Variants in PPP1R9A observed in about 807,000 individuals in gnomAD.
PPP1R9A encodes protein phosphatase 1 regulatory subunit 9A.
In PPP1R9A, 59 loss-of-function variants were observed where a neutral mutation model predicts 141.9. The observed-to-expected ratio is 0.42, with a 90% CI of 0.34 to 0.52. The LOEUF is 0.52. Ranked by LOEUF, PPP1R9A falls within the 20% of genes least tolerant of loss-of-function variation. The pLI, the probability that PPP1R9A is intolerant of heterozygous loss-of-function variation, is 0.10. For synonymous variants in PPP1R9A, 500 were observed against 569.7 expected (o/e 0.88, Z 1.74); for missense variants, 1,444 against 1,611.9 (o/e 0.90, Z 1.78).
chr7:94,969,537 C>T (rs762274655), intron 2 of PPP1R9A, among the ~76,000 whole-genome samples: 2 of 152,042 alleles, frequency 1.3e-5, no homozygotes, highest in African/African-American at 2.4e-5. Context: ...CAGTGGGGCA[C>T]CTTCCAGATG....
chr7:95,243,966 A>G (rs920211298), intron 8 of PPP1R9A, among the ~76,000 whole-genome samples: 1 of 152,172 alleles, frequency 6.6e-6, no homozygotes, highest in Non-Finnish European at 1.5e-5. Context: ...ATATAAAACA[A>G]AAAGGGTTCA....
intron 2 of PPP1R9A, among the ~76,000 whole-genome samples, chr7:94,989,959 T>C (rs377319287): frequency 3.9e-5 from 6 of 152,180 alleles, no homozygotes; most frequent in African/African-American, 1.2e-4. Context: ...GTTGATCGAG[T>C]ATAAAATGTG....
chr7:95,118,479 A>G (rs969098046), intron 3 of PPP1R9A, among the ~76,000 whole-genome samples: 2 of 152,228 alleles, frequency 1.3e-5, no homozygotes, highest in African/African-American at 2.4e-5. Flanking sequence ...TGCATCAGGC[A>G]GCTCATCCAG....
At chr7:94,994,800 A>G (rs1391243434) in intron 2 of PPP1R9A, among the ~76,000 whole-genome samples, 1 of 151,978 alleles carries the variant, frequency 6.6e-6, no homozygotes, top group Non-Finnish European at 1.5e-5. Context: ...AGGCTGAGGC[A>G]GGAGAATCAC....
intron 6 of PPP1R9A, among the ~76,000 whole-genome samples, chr7:95,199,777 A>G (rs1203207977): frequency 2.0e-5 from 3 of 152,222 alleles, no homozygotes. Flanking sequence ...TCAAACTAAA[A>G]AAGGGATTTC....
chr7:95,055,743 A>AC (rs1384823239), intron 2 of PPP1R9A, among the ~76,000 whole-genome samples: 2 of 151,836 alleles, frequency 1.3e-5, no homozygotes, highest in African/African-American at 4.8e-5. Context: ...CTCTCATTCT[A>AC]CCCCAGAATG....
intron 7 of PPP1R9A, among the ~76,000 whole-genome samples, chr7:95,207,018 A>G (rs1056225406): frequency 6.6e-6 from 1 of 152,110 alleles, no homozygotes; most frequent in Non-Finnish European, 1.5e-5. Context: ...TTTTTCTAAC[A>G]AATTATGATC....
intron 2 of PPP1R9A, among the ~76,000 whole-genome samples, chr7:94,970,749 C>G (rs531115969): frequency 6.6e-6 from 1 of 151,498 alleles, no homozygotes; most frequent in African/African-American, 2.4e-5. Flanking sequence ...GATTCTTCTG[C>G]CTCAGTCTCC....
At chr7:95,257,516 T>G (rs1405424861) in intron 12 of PPP1R9A, among the ~76,000 whole-genome samples, 1 of 109,068 alleles carries the variant, frequency 9.2e-6, no homozygotes, top group Non-Finnish European at 1.9e-5. Context: ...TATGATTTCT[T>G]TTTTTTTTTA....
At chr7:95,112,233 C>T (rs1011013949) in intron 3 of PPP1R9A, among the ~76,000 whole-genome samples, 3 of 151,886 alleles carry the variant, frequency 2.0e-5, no homozygotes, top group African/African-American at 7.3e-5. Flanking sequence ...AGAAAGAAAC[C>T]CATTAATAAG....
intron 8 of PPP1R9A, among the ~76,000 whole-genome samples, chr7:95,233,196 A>G (rs569692601): frequency 6.6e-6 from 1 of 152,368 alleles, no homozygotes; most frequent in African/African-American, 2.4e-5. Context: ...GTCATAAAAA[A>G]GGATGACTTA....
At chr7:95,048,118 A>G (rs1199772577) in intron 2 of PPP1R9A, among the ~76,000 whole-genome samples, 1 of 152,228 alleles carries the variant, frequency 6.6e-6, no homozygotes, top group East Asian at 1.9e-4. Context: ...ATGGTAGTAC[A>G]TAAAGTCCAG....
chr7:95,187,545 TG>T (rs1292818313), intron 5 of PPP1R9A, among the ~76,000 whole-genome samples: 6 of 151,996 alleles, frequency 3.9e-5, no homozygotes, highest in Non-Finnish European at 5.9e-5. Flanking sequence ...TCTTTTCTTC[TG>T]CTGGGTTTGG....
At chr7:94,992,850 A>T (rs1801689544) in intron 2 of PPP1R9A, among the ~76,000 whole-genome samples, 1 of 152,034 alleles carries the variant, frequency 6.6e-6, no homozygotes, top group South Asian at 2.1e-4. Flanking sequence ...AGAGTTATTT[A>T]TTCTGAATAT....
intron 2 of PPP1R9A, among the ~76,000 whole-genome samples, chr7:94,947,123 T>C (rs1301345838): frequency 6.6e-6 from 1 of 152,166 alleles, no homozygotes; most frequent in Non-Finnish European, 1.5e-5. Flanking sequence ...AAGTTGTTAC[T>C]TTATAGAAAA....
In PPP1R9A at chr7:94,950,290, A is replaced by G. The variant is rs142589444; in HGVS notation, c.1395+38782A>G. ...AGTTGACTAGGCCAGCTCTTTTTTT[A>G]TGTTCATTTCCATGTAAGCAGGATT... On this transcript the variant is annotated intron_variant, in intron 2 of 19. Coordinates refer to ENST00000433360, the MANE Select transcript of PPP1R9A (RefSeq NM_001166160.2). 1.9e-4 allele frequency among the ~76,000 whole-genome samples: 29 copies of G among 151,978 alleles called. 1 individual carries two copies. The East Asian group carries it at 5.6e-3, about 30-fold the overall frequency.
At chr7:95,029,396 A>G (rs1807339551) in intron 2 of PPP1R9A, among the ~76,000 whole-genome samples, 1 of 152,214 alleles carries the variant, frequency 6.6e-6, no homozygotes, top group Admixed American at 6.6e-5. Flanking sequence ...ATTTTGATTT[A>G]TAAAAAATAT....
At chr7:95,286,891 C>T (rs1328104352) in intron 18 of PPP1R9A, among the ~76,000 whole-genome samples, 1 of 151,966 alleles carries the variant, frequency 6.6e-6, no homozygotes, top group African/African-American at 2.4e-5. Context: ...CAGAAGGCAC[C>T]ATAAATAAAG....
At chr7:95,097,570 T>C (rs1437350735) in intron 2 of PPP1R9A, among the ~76,000 whole-genome samples, 3 of 152,228 alleles carry the variant, frequency 2.0e-5, no homozygotes, top group Admixed American at 6.5e-5. Context: ...CATCGAGATA[T>C]GATACATACA....
Sources: gnomAD v4.1 joint callset for allele counts (sites outside exome capture counted in the v4.1 genomes callset) on GRCh38, gnomAD v4.1.1 for gene constraint, MANE v1.5 for transcripts, NCBI Gene and HGNC (gene_info 2026-07-23, HGNC 2026-07-21) for gene names.